Variants in FGD1 observed in about 807,000 individuals in gnomAD.
The protein encoded by FGD1 is FYVE, RhoGEF and PH domain containing 1.
A neutral mutation model predicts 65.0 loss-of-function variants in FGD1; 12 were observed. The observed-to-expected ratio is 0.18, with a 90% CI of 0.12 to 0.30. The LOEUF is 0.30. Ranked by LOEUF, FGD1 falls within the 10% of genes least tolerant of loss-of-function variation. FGD1 has a pLI of 1.00. For missense variants in FGD1, 542 were observed against 837.6 expected, an observed-to-expected ratio of 0.65 and a Z score of 4.36; for synonymous variants, 333 against 343.9, an observed-to-expected ratio of 0.97 and a Z score of 0.35.
rs1569540919 is a variant in FGD1, at chrX:54,446,214, C to CG, written c.2780dup (p.Pro929AlafsTer5). 1.7e-6 allele frequency: 2 copies of CG among 1,211,581 alleles called. No individual in the cohort carries two copies. ...CCCTGTCCTCAGACAGTGTGGGCCCCGGGCAGAACGTGTCCCCTCGGCCCG... is the reference window on the plus strand; with the variant it reads ...CCCTGTCCTCAGACAGTGTGGGCCCCGGGGCAGAACGTGTCCCCTCGGCCCG... On this transcript the variant is annotated frameshift_variant, in exon 18 of 18. Coordinates refer to ENST00000375135, the MANE Select transcript of FGD1 (RefSeq NM_004463.3). LOFTEE classifies it high-confidence loss of function.
chrX:54,467,012 G>A (rs1922779366), intron 6 of FGD1, among the ~76,000 whole-genome samples: 1 of 111,458 alleles, frequency 9.0e-6, no homozygotes, highest in African/African-American at 3.3e-5. Flanking sequence ...GCCTCCCAGA[G>A]TGCTGGGATT....
Position 54,468,882 on chromosome X carries a change from A to G in FGD1, c.1102-6T>C. The G allele has an allele frequency of 8.5e-7, 1 of 1,169,603 alleles. No individual in the cohort carries two copies. The highest frequency in any genetic ancestry group is 1.2e-6 in the Non-Finnish European group (1 of 858,619). ...ACCTTTTGCTGCACAGTCAACTGGAAAGGAGAAACAGTAACCCCTGATCCA... is the reference window on the plus strand; with the variant it reads ...ACCTTTTGCTGCACAGTCAACTGGAGAGGAGAAACAGTAACCCCTGATCCA... On this transcript the variant is annotated splice_region_variant and splice_polypyrimidine_tract_variant and intron_variant, in intron 4 of 17. Coordinates refer to ENST00000375135, the MANE Select transcript of FGD1 (RefSeq NM_004463.3).
chrX:54,448,792 G>A lies in FGD1; in HGVS notation c.2436+14C>T, dbSNP rs1339443193. The A allele has an allele frequency of 8.3e-7, 1 of 1,210,203 alleles. No homozygotes were observed. The highest frequency in any genetic ancestry group is 2.2e-5 in the Admixed American group (1 of 46,033). ...TGCCCACTGTGGGAGAGTTAGTCAGGGGCTGGCTCTTACCTCCAGGATGGA... is the reference window on the plus strand; with the variant it reads ...TGCCCACTGTGGGAGAGTTAGTCAGAGGCTGGCTCTTACCTCCAGGATGGA... On this transcript the variant is annotated intron_variant, in intron 16 of 17. Transcript: ENST00000375135.
At chrX:54,457,813 C>CAA (rs377446328) in intron 8 of FGD1, among the ~76,000 whole-genome samples, 4 of 95,124 alleles carry the variant, frequency 4.2e-5, no homozygotes, top group African/African-American at 1.5e-4. Flanking sequence ...CAGGTATCAT[C>CAA]AAAAAAAAAA....
chrX:54,479,167 G>A (rs1163261711), intron 1 of FGD1, among the ~76,000 whole-genome samples: 1 of 112,577 alleles, frequency 8.9e-6, no homozygotes, highest in Non-Finnish European at 1.9e-5. Flanking sequence ...CATGCTTCTG[G>A]GTTTACTGGC....
intron 1 of FGD1, among the ~76,000 whole-genome samples, chrX:54,486,437 A>G (rs1204564227): frequency 9.0e-6 from 1 of 111,104 alleles, no homozygotes; most frequent in Non-Finnish European, 1.9e-5. Flanking sequence ...TAGTAGAGAC[A>G]GGTTTTCACC....
At chrX:54,458,616 C>T (rs1922565516) in intron 8 of FGD1, among the ~76,000 whole-genome samples, 1 of 107,451 alleles carries the variant, frequency 9.3e-6, no homozygotes, top group Non-Finnish European at 1.9e-5. Context: ...CAGCTTCCTA[C>T]ACCTCCCTAA....
rs1177610547 is a variant in FGD1 at position 54,492,454 on chromosome X, G to GTC, written c.307+2670_307+2671dup. Among the ~76,000 whole-genome samples the GTC allele has an allele frequency of 5.4e-5, 6 of 111,262 alleles. No individual in the cohort carries two copies. In the East Asian group the frequency reaches 1.4e-3, roughly 26 times the overall value. On this transcript the variant is annotated intron_variant, in intron 1 of 17. Coordinates refer to ENST00000375135, the MANE Select transcript of FGD1 (RefSeq NM_004463.3). ...AATTGAAGCTCAGGAAACCCTCTCT[G>GTC]TCTCTCTCTTACACACACACCCTAC...
In FGD1 at chrX:54,445,634, TG is replaced by T. The variant is rs1425907655; in HGVS notation, c.*474del. 1 of 117,219 alleles carries T rather than the reference TG, an allele frequency of 8.5e-6. No homozygotes were observed. The highest frequency in any genetic ancestry group is 3.3e-5 in the African/African-American group (1 of 30,711). The allele number at this position is 117,219 out of a possible 1,213,427, so 9.7% of individuals were successfully genotyped here. A position where few individuals can be genotyped will look rare whatever the true frequency, so the allele number is the denominator to read the frequency against. ...GGGGCCGGGTAGAAGCTGTAAGCCA[TG>T]GGAGAGGCAGGAGAGGTCTAGTTGC... On this transcript the variant is annotated 3_prime_UTR_variant, in exon 18 of 18. Transcript: ENST00000375135.
chrX:54,448,026 A>T (rs1042994279), intron 16 of FGD1, among the ~76,000 whole-genome samples: 9 of 111,847 alleles, frequency 8.0e-5, no homozygotes, highest in Admixed American at 3.8e-4. Context: ...ATTTGTTTTT[A>T]AAAAAATCTC....
intron 12 of FGD1, among the ~76,000 whole-genome samples, chrX:54,450,930 T>A (rs1922360484): frequency 9.1e-6 from 1 of 109,545 alleles, no homozygotes; most frequent in Admixed American, 9.8e-5. Flanking sequence ...ATGCCTGTAG[T>A]CCCAGCTACT....
intron 8 of FGD1, among the ~76,000 whole-genome samples, chrX:54,458,741 T>C (rs1922567936): frequency 9.0e-6 from 1 of 110,559 alleles, no homozygotes; most frequent in African/African-American, 3.3e-5. Flanking sequence ...GTCTGGGTTC[T>C]CACATTCTCC....
rs776286557 is a variant in FGD1, at chrX:54,463,549, G to A, written c.1636+1902C>T. Among the ~76,000 whole-genome samples, 4 of 111,692 alleles carry A rather than the reference G, an allele frequency of 3.6e-5. No homozygotes were observed. The East Asian group carries it at 8.5e-4, about 24-fold the overall frequency. On this transcript the variant is annotated intron_variant, in intron 8 of 17. Transcript: ENST00000375135. ...TCTTGCTCCCCAAGTAATCATGATC[G>A]AAACCTTCCCATGGCTACCCACCAT...
intron 12 of FGD1, among the ~76,000 whole-genome samples, chrX:54,452,045 T>C (rs963925128): frequency 4.6e-5 from 5 of 109,210 alleles, no homozygotes; most frequent in East Asian, 2.9e-4. Context: ...AGCGGGAGGA[T>C]TGCTTGAGGC....
At position 54,468,793 on chromosome X, in the gene FGD1, C is replaced by T; in HGVS notation, c.1185G>A (p.Leu395=). ...CCCCCAAGGGGCCACTCACCTGATCCAGGAGATGGAGCCTGGAAACGTAGG... is the reference window on the plus strand; with the variant it reads ...CCCCCAAGGGGCCACTCACCTGATCTAGGAGATGGAGCCTGGAAACGTAGG... ...EKAYVSRLHL[L]DQVFCARLLE... Residue 395 remains leucine, a synonymous_variant, in exon 5 of 18, where the codon CTG becomes CTA. Transcript: ENST00000375135. The T allele has an allele frequency of 1.7e-6, 2 of 1,204,627 alleles. No homozygotes were observed. The highest frequency in any genetic ancestry group is 2.2e-6 in the Non-Finnish European group (2 of 890,154).
intron 1 of FGD1, among the ~76,000 whole-genome samples, chrX:54,485,805 T>C (rs1198969968): frequency 1.9e-5 from 2 of 107,749 alleles, no homozygotes; most frequent in East Asian, 5.9e-4. Flanking sequence ...AGATGGAGTC[T>C]CGCTCTGTTG....
chrX:54,475,165 G>A (rs991966948), intron 1 of FGD1, among the ~76,000 whole-genome samples: 1 of 112,193 alleles, frequency 8.9e-6, no homozygotes, highest in African/African-American at 3.2e-5. Flanking sequence ...AGGCAGCCCT[G>A]CAGGAAGAGG....
rs1922253438 is a variant in FGD1 at position 54,447,531 on chromosome X, T to C, written c.2437-77A>G. On this transcript the variant is annotated intron_variant, in intron 16 of 17. Transcript: ENST00000375135. ...CCTCCTAGCTTTAATACCTCCTCAG[T>C]GTAGGGACTGCTATTCCTATCTCAG... The C allele has an allele frequency of 2.9e-6, 3 of 1,018,831 alleles. No homozygotes were observed. In the South Asian group the frequency reaches 6.0e-5, roughly 20 times the overall value. 84.0% of individuals were successfully genotyped at this position (1,018,831 alleles called of 1,213,427 possible).
rs771540036 is a variant in FGD1 at position 54,470,672 on chromosome X, G to C, written c.570C>G (p.Ala190=). 1.8e-6 allele frequency: 2 copies of C among 1,132,720 alleles called. No individual in the cohort carries two copies. Among genetic ancestry groups the C allele is most frequent in the East Asian group, 6.1e-5 (2 of 32,793 alleles). The allele number at this position is 1,132,720 out of a possible 1,213,427, so 93.3% of individuals were successfully genotyped here. ...IPPPPSRPLP[A]DPRVAKGLAP... is the part of the protein sequence containing the mutation. ...CCAGGCCCTTGGCCACTCGGGGGTCGGCAGGCAGTGGGCGTGATGGTGGAG... is the reference window on the plus strand; with the variant it reads ...CCAGGCCCTTGGCCACTCGGGGGTCCGCAGGCAGTGGGCGTGATGGTGGAG... Residue 190 remains alanine, a synonymous_variant, in exon 3 of 18, where the codon GCC becomes GCG. Transcript: ENST00000375135.
Sources: gnomAD v4.1 joint callset for allele counts (sites outside exome capture counted in the v4.1 genomes callset) on GRCh38, gnomAD v4.1.1 for gene constraint, MANE v1.5 for transcripts, NCBI Gene and HGNC (gene_info 2026-07-23, HGNC 2026-07-21) for gene names.